ZNF469: variants seen among roughly 807,000 people sequenced by gnomAD.
ZNF469 encodes zinc finger protein 469.
Under a neutral mutation model 1.0 loss-of-function variants are expected in ZNF469, and 1 was observed. The ratio of observed to expected loss-of-function variants is 1.00; its 90% CI spans 0.35 to 4.73. The LOEUF is 4.73. ZNF469 is among the 30% of genes most tolerant of loss of function. The probability of loss-of-function intolerance (pLI) is 0.16; values close to 1 mark genes in which losing one functional copy is unlikely to be tolerated. For missense variants in ZNF469, 6,100 were observed against 5,356.3 expected, an observed-to-expected ratio of 1.14 and a Z score of -4.33; for synonymous variants, 2,703 against 2,363.4, an observed-to-expected ratio of 1.14 and a Z score of -4.17.
chr16:88,330,512 C>T, the ZNF469 span, among the ~76,000 whole-genome samples: 1 of 152,224 alleles, frequency 6.6e-6, no homozygotes, highest in Non-Finnish European at 1.5e-5. Flanking sequence ...AGTCACAAAA[C>T]AATGACGTGT....
chr16:88,127,575 G>T, the ZNF469 span, among the ~76,000 whole-genome samples: 1 of 152,196 alleles, frequency 6.6e-6, no homozygotes, highest in Non-Finnish European at 1.5e-5. Context: ...GCGGTATTCA[G>T]ATACGGCGAA....
Position 88,427,952 on chromosome 16 carries a change from C to A in ZNF469, c.482C>A (p.Pro161Gln). 1 of 1,549,998 alleles carries A rather than the reference C, an allele frequency of 6.5e-7. No homozygotes were observed. The highest frequency in any genetic ancestry group is 8.7e-7 in the Non-Finnish European group (1 of 1,146,884). Residue 161 changes from proline to glutamine, a missense_variant, in exon 3 of 3, where the codon CCA becomes CAA. Coordinates refer to ENST00000565624, the MANE Select transcript of ZNF469 (RefSeq NM_001367624.2). Reference sequence around the variant, plus strand: ...CCCCAGGGCCCTGGGACTGGAGCTCCACTCAGGCCGGGCCTCCCAAGGACT... The same window carrying A: ...CCCCAGGGCCCTGGGACTGGAGCTCAACTCAGGCCGGGCCTCCCAAGGACT... ...DTPQGPGTGA[P>Q]LRPGLPRTEA...
the ZNF469 span, among the ~76,000 whole-genome samples, chr16:88,162,605 C>G: frequency 6.6e-6 from 1 of 152,010 alleles, no homozygotes. Flanking sequence ...AAAATAAATA[C>G]ACACAAATGT....
At chr16:88,342,879 G>C in the ZNF469 span, among the ~76,000 whole-genome samples, 53 of 152,360 alleles carry the variant, frequency 3.5e-4, 2 homozygotes, top group South Asian at 8.9e-3. Flanking sequence ...AGGACGTCAT[G>C]TGTATTTGGG....
chr16:88,327,562 G>T, the ZNF469 span, among the ~76,000 whole-genome samples: 2 of 152,202 alleles, frequency 1.3e-5, no homozygotes, highest in East Asian at 3.9e-4. Context: ...TTGGGGGGGG[G>T]TCTGTGCTCA....
In ZNF469 at chr16:88,440,240, G is replaced by A. The variant is rs1906905882; in HGVS notation, c.*908G>A. 1 of 150,888 alleles carries A rather than the reference G, an allele frequency of 6.6e-6. No individual in the cohort carries two copies. Among genetic ancestry groups the A allele is most frequent in the Admixed American group, 6.6e-5 (1 of 15,236 alleles). The allele number at this position is 150,888 out of a possible 1,614,324, so 9.3% of individuals were successfully genotyped here. ...GGGTGGGACAGACGGGGTCAGGGAG[G>A]CCCCACCATGGCTTGTCGAGGGCAC... On this transcript the variant is annotated 3_prime_UTR_variant, in exon 3 of 3. Coordinates refer to ENST00000565624, the MANE Select transcript of ZNF469 (RefSeq NM_001367624.2).
At chr16:88,183,302 C>T in the ZNF469 span, among the ~76,000 whole-genome samples, 1 of 152,154 alleles carries the variant, frequency 6.6e-6, no homozygotes, top group African/African-American at 2.4e-5. Context: ...CCAGCAATCC[C>T]ACTCTCAAAA....
chr16:88,391,590 C>T (rs895706535), intron 1 of ZNF469, among the ~76,000 whole-genome samples: 4 of 152,334 alleles, frequency 2.6e-5, no homozygotes, highest in African/African-American at 7.2e-5. Context: ...GCCTCGGGAT[C>T]GGGAGCCTCT....
the ZNF469 span, among the ~76,000 whole-genome samples, chr16:88,360,896 G>GGAAT: frequency 1.3e-5 from 2 of 152,144 alleles, no homozygotes; most frequent in African/African-American, 4.8e-5. Flanking sequence ...TTTCATGGAA[G>GGAAT]ATAATTTTTT....
chr16:88,366,412 A>G, the ZNF469 span, among the ~76,000 whole-genome samples: 27 of 151,338 alleles, frequency 1.8e-4, no homozygotes, highest in African/African-American at 6.3e-4. Flanking sequence ...CTTCACCAAC[A>G]CCACCATCAT....
chr16:88,366,739 T>G, the ZNF469 span, among the ~76,000 whole-genome samples: 1 of 150,104 alleles, frequency 6.7e-6, no homozygotes, highest in African/African-American at 2.5e-5. Context: ...ATCACCATCA[T>G]TATCATCATC....
At chr16:88,342,190 G>T in the ZNF469 span, among the ~76,000 whole-genome samples, 1 of 152,118 alleles carries the variant, frequency 6.6e-6, no homozygotes, top group Non-Finnish European at 1.5e-5. Flanking sequence ...GTCTGGGCTC[G>T]GTCTCCACCT....
At chr16:88,157,520 A>C in the ZNF469 span, among the ~76,000 whole-genome samples, 3 of 152,052 alleles carry the variant, frequency 2.0e-5, no homozygotes, top group Admixed American at 2.0e-4. Context: ...AGCCATGGTG[A>C]GGGTGGGACA....
chr16:88,402,720 G>A (rs891273219), intron 1 of ZNF469, among the ~76,000 whole-genome samples: 1 of 152,234 alleles, frequency 6.6e-6, no homozygotes, highest in Non-Finnish European at 1.5e-5. Context: ...GCACAGAATG[G>A]GGCCCGGCCC....
the ZNF469 span, among the ~76,000 whole-genome samples, chr16:88,112,412 G>A: frequency 6.6e-6 from 1 of 152,334 alleles, no homozygotes; most frequent in East Asian, 1.9e-4. Context: ...CGGGGTACGA[G>A]GGTTCCCTTT....
At position 88,436,206 on chromosome 16, in the gene ZNF469, C is replaced by A. The variant is rs1291502219; in HGVS notation, c.8736C>A (p.Leu2912=). 1 of 1,548,438 alleles carries A rather than the reference C, an allele frequency of 6.5e-7. No individual in the cohort carries two copies. Among genetic ancestry groups the A allele is most frequent in the East Asian group, 2.4e-5 (1 of 40,916 alleles). Residue 2912 remains leucine (L), a synonymous_variant, in exon 3 of 3, where the codon CTC becomes CTA. Transcript: ENST00000565624. ...GCCCAGCCCGCCTGCCCACGGACCT[C>A]AGCGACTCCAGCTCCCTCTGCCTCT... is the stretch of plus-strand genomic sequence containing the variant. ...TLGPARLPTD[L]SDSSSLCLCH... is the part of the protein sequence containing the mutation.
At chr16:88,282,572 AGTGT>A in the ZNF469 span, among the ~76,000 whole-genome samples, 6 of 152,066 alleles carry the variant, frequency 3.9e-5, no homozygotes, top group Non-Finnish European at 7.4e-5. Context: ...CACAGAGGGG[AGTGT>A]GTATAAGAGC....
chr16:88,221,218 G>C, the ZNF469 span, among the ~76,000 whole-genome samples: 1 of 152,232 alleles, frequency 6.6e-6, no homozygotes, highest in African/African-American at 2.4e-5. Context: ...GGACAGACCC[G>C]GGCTGGCTGG....
At chr16:88,421,494 C>T (rs928777842) in intron 1 of ZNF469, among the ~76,000 whole-genome samples, 2 of 152,318 alleles carry the variant, frequency 1.3e-5, no homozygotes, top group South Asian at 4.1e-4. Context: ...CCATGCCCAC[C>T]CCAGCTCCAA....
Sources: gnomAD v4.1 joint callset for allele counts (sites outside exome capture counted in the v4.1 genomes callset) on GRCh38, gnomAD v4.1.1 for gene constraint, MANE v1.5 for transcripts, NCBI Gene and HGNC (gene_info 2026-07-23, HGNC 2026-07-21) for gene names.